The following ULK4 variants were observed in gnomAD, a reference collection of about 807,000 sequenced individuals.
ULK4 encodes inactive serine/threonine-protein kinase ULK4.
ULK4 carries 133 observed loss-of-function variants against 160.6 expected under a neutral mutation model. That is an observed-to-expected ratio of 0.83 (90% CI 0.72 to 0.96). ULK4 has a LOEUF of 0.96. ULK4 is among the 40% of genes least tolerant of loss of function. ULK4 has a pLI of 0.00. For missense variants in ULK4, 1,580 were observed against 1,499.5 expected (o/e 1.05, Z -0.89); for synonymous variants, 534 against 539.8 (o/e 0.99, Z 0.15).
intron 31 of ULK4, among the ~76,000 whole-genome samples, chr3:41,591,248 T>C (rs1559417882): frequency 6.6e-6 from 1 of 152,142 alleles, no homozygotes. Flanking sequence ...AATATATCTT[T>C]CAAAGATGAA....
intron 34 of ULK4, among the ~76,000 whole-genome samples, chr3:41,430,776 C>T (rs2082886173): frequency 6.6e-6 from 1 of 152,194 alleles, no homozygotes; most frequent in Non-Finnish European, 1.5e-5. Context: ...AAAACTGCCA[C>T]ATTTACTGTA....
At chr3:41,252,922 T>G (rs1027220021) in intron 35 of ULK4, among the ~76,000 whole-genome samples, 39 of 152,078 alleles carry the variant, frequency 2.6e-4, no homozygotes, top group African/African-American at 9.2e-4. Context: ...GATATATTAC[T>G]TATAGGGTAA....
chr3:41,406,387 G>C (rs2082294978), intron 34 of ULK4, among the ~76,000 whole-genome samples: 1 of 152,198 alleles, frequency 6.6e-6, no homozygotes, highest in African/African-American at 2.4e-5. Context: ...AGTATAGTTT[G>C]AAGTTGGTTA....
chr3:41,533,969 G>A (rs1002903077), intron 32 of ULK4, among the ~76,000 whole-genome samples: 48 of 152,102 alleles, frequency 3.2e-4, no homozygotes, highest in South Asian at 6.2e-4. Context: ...CACCACGCCC[G>A]GCTAATTTTT....
At chr3:41,716,755 A>G (rs978632997) in intron 23 of ULK4, among the ~76,000 whole-genome samples, 2 of 152,196 alleles carry the variant, frequency 1.3e-5, no homozygotes, top group African/African-American at 2.4e-5. Flanking sequence ...CTACACATAC[A>G]TGCTCCCAAG....
chr3:41,900,654 A>C, intron 13 of ULK4, 71 bp downstream of exon 13: 1 of 1,185,312 alleles, frequency 8.4e-7, no homozygotes, highest in South Asian at 1.3e-5. Flanking sequence ...TAATATTCTG[A>C]ATGAAAATCT....
At chr3:41,669,440 T>C (rs777265035) in intron 29 of ULK4, among the ~76,000 whole-genome samples, 12 of 151,986 alleles carry the variant, frequency 7.9e-5, no homozygotes, top group Non-Finnish European at 1.8e-4. Context: ...TTATTTCTTG[T>C]AGAGACAAGG....
At chr3:41,945,955 G>GCCTACGCTAT (rs1700100019) in intron 2 of ULK4, among the ~76,000 whole-genome samples, 1 of 152,034 alleles carries the variant, frequency 6.6e-6, no homozygotes, top group African/African-American at 2.4e-5. Context: ...TTCATTCATA[G>GCCTACGCTAT]AAAGTCAAAA....
chr3:41,448,972 G>A (rs1209469599), intron 34 of ULK4, among the ~76,000 whole-genome samples: 4 of 152,020 alleles, frequency 2.6e-5, no homozygotes, highest in Admixed American at 6.6e-5. Flanking sequence ...TGCAACCTCC[G>A]CCTCCTGGTT....
chr3:41,642,924 C>G (rs531634972), intron 30 of ULK4, among the ~76,000 whole-genome samples: 6 of 152,308 alleles, frequency 3.9e-5, no homozygotes, highest in African/African-American at 1.4e-4. Context: ...TTTTGATTTG[C>G]ATTTCTCTGA....
chr3:41,733,725 A>ATATT (rs1385036866), intron 22 of ULK4, among the ~76,000 whole-genome samples: 7 of 93,620 alleles, frequency 7.5e-5, no homozygotes, highest in African/African-American at 4.4e-4. Flanking sequence ...TAAACACATG[A>ATATT]TTTTTTTTTT....
intron 32 of ULK4, among the ~76,000 whole-genome samples, chr3:41,494,678 A>T (rs1003062412): frequency 1.2e-3 from 190 of 152,126 alleles, no homozygotes; most frequent in African/African-American, 4.2e-3. Context: ...TATCTAGAAA[A>T]CCCCACTGTC....
At chr3:41,471,299 T>C (rs1171635754) in intron 32 of ULK4, among the ~76,000 whole-genome samples, 1 of 152,054 alleles carries the variant, frequency 6.6e-6, no homozygotes, top group African/African-American at 2.4e-5. Context: ...CAAGAGGATA[T>C]AACAACTGTA....
At chr3:41,648,393 C>A (rs923208254) in intron 30 of ULK4, among the ~76,000 whole-genome samples, 15 of 152,102 alleles carry the variant, frequency 9.9e-5, no homozygotes, top group Non-Finnish European at 8.8e-5. Context: ...AAGGATAGTA[C>A]CAAATGACTA....
intron 9 of ULK4, among the ~76,000 whole-genome samples, chr3:41,912,328 C>CA (rs1223106095): frequency 0.2 from 17,775 of 88,008 alleles, 3,125 homozygotes; most frequent in African/African-American, 0.48. Context: ...GACGTTGTCT[C>CA]AAAAAAAAAA....
intron 34 of ULK4, among the ~76,000 whole-genome samples, chr3:41,453,581 T>G (rs1467965531): frequency 1.3e-5 from 2 of 152,200 alleles, no homozygotes; most frequent in African/African-American, 4.8e-5. Flanking sequence ...CATTACTAAC[T>G]TCATTTTACA....
At chr3:41,551,744 G>C (rs983297679) in intron 32 of ULK4, among the ~76,000 whole-genome samples, 1 of 151,772 alleles carries the variant, frequency 6.6e-6, no homozygotes, top group African/African-American at 2.4e-5. Context: ...GAAATAAAAA[G>C]AAGATAATTA....
At chr3:41,367,068 AT>A (rs1444280893) in intron 35 of ULK4, among the ~76,000 whole-genome samples, 1 of 152,182 alleles carries the variant, frequency 6.6e-6, no homozygotes, top group East Asian at 1.9e-4. Flanking sequence ...CTAATTAGAT[AT>A]TTTTAAAGAC....
chr3:41,571,628 G>T lies in ULK4; in HGVS notation c.3121-5498C>A, dbSNP rs932373771. Among the ~76,000 whole-genome samples, 3 of 152,152 alleles carry T rather than the reference G, an allele frequency of 2.0e-5. 1 individual carries two copies. Among genetic ancestry groups the T allele is most frequent in the Admixed American group, 1.3e-4 (2 of 15,270 alleles). On this transcript the variant is annotated intron_variant, in intron 31 of 36. Transcript: ENST00000301831. ...GACTGGTGGAAAGAGACAAGGGCAC[G>T]CATGTTTCGTTCAAAGACCACAGGT...
Sources: allele counts gnomAD v4.1 joint callset (sites outside exome capture counted in the v4.1 genomes callset), GRCh38; gene constraint gnomAD v4.1.1; transcripts MANE v1.5; gene names NCBI Gene and HGNC (gene_info 2026-07-23, HGNC 2026-07-21).